The following UMODL1 variants were observed in gnomAD, a reference collection of about 807,000 sequenced individuals.
UMODL1 encodes uromodulin like 1, also known as uromodulin-like 1.
UMODL1 carries 128 observed loss-of-function variants against 136.3 expected under a neutral mutation model. The ratio of observed to expected loss-of-function variants is 0.94; its 90% CI spans 0.81 to 1.09. UMODL1 has a LOEUF of 1.09. UMODL1 is among the 50% of genes least tolerant of loss of function. The pLI, the probability that UMODL1 is intolerant of heterozygous loss-of-function variation, is 0.00. For missense variants in UMODL1, 1,766 were observed against 1,725.6 expected (o/e 1.02, Z -0.41); for synonymous variants, 721 against 720.0 (o/e 1.00, Z -0.02).
intron 2 of UMODL1, among the ~76,000 whole-genome samples, chr21:42,076,801 C>A (rs1286440902): frequency 6.6e-6 from 1 of 152,152 alleles, no homozygotes; most frequent in Non-Finnish European, 1.5e-5. Flanking sequence ...GAGCCCCGAG[C>A]CTACCACCCT....
intron 7 of UMODL1, chr21:42,101,795 G>A: frequency 2.2e-6 from 1 of 454,642 alleles, no homozygotes; most frequent in East Asian, 6.9e-5. Flanking sequence ...TGATGTTGGG[G>A]GCCTGAGTAA....
chr21:42,097,601 T>A (rs562068453), intron 6 of UMODL1, among the ~76,000 whole-genome samples: 1 of 152,312 alleles, frequency 6.6e-6, no homozygotes, highest in African/African-American at 2.4e-5. Context: ...AAAGCATATA[T>A]CCTACCAGTC....
In UMODL1 at chr21:42,119,389, C is replaced by CCACCCT. The variant is rs145499302; in HGVS notation, c.2689+66_2689+71dup. On this transcript the variant is annotated intron_variant, in intron 15 of 22. Coordinates refer to ENST00000408910, the MANE Select transcript of UMODL1 (RefSeq NM_001004416.3). ...ACCAGAGGCAGCCAGAGGGCAGCCA[C>CCACCCT]CACCCTTCGCTTTTGAAAGATGTCG... 8.7e-3 allele frequency: 12,819 copies of CCACCCT among 1,474,496 alleles called. 192 individuals are homozygous for CCACCCT. Among genetic ancestry groups the CCACCCT allele is most frequent in the South Asian group, 0.035 (3,057 of 86,942 alleles). The allele number at this position is 1,474,496 out of a possible 1,614,324, so 91.3% of individuals were successfully genotyped here. A position where few individuals can be genotyped will look rare whatever the true frequency, so the allele number is the denominator to read the frequency against.
chr21:42,063,182 T>C (rs1294449965), exon 1 of UMODL1: 2 of 152,308 alleles, frequency 1.3e-5, no homozygotes, highest in Non-Finnish European at 2.9e-5. Flanking sequence ...TGATCTCATC[T>C]AAATTACATC....
intron 7 of UMODL1, chr21:42,101,789 G>A: frequency 2.2e-6 from 1 of 456,072 alleles, no homozygotes; most frequent in Non-Finnish European, 4.4e-6. Flanking sequence ...TCACCCTGAT[G>A]TTGGGGGCCT....
At chr21:42,094,495 A>G (rs1277192732) in intron 6 of UMODL1, among the ~76,000 whole-genome samples, 1 of 152,174 alleles carries the variant, frequency 6.6e-6, no homozygotes, top group East Asian at 1.9e-4. Flanking sequence ...AGTTTAGATT[A>G]TCCGCATTGC....
chr21:42,084,150 C>T lies in UMODL1; in HGVS notation c.386C>T (p.Ser129Phe). ...GACPAEGPEPSTSPCSLDIDC... is the reference protein window; with the variant it reads ...GACPAEGPEPFTSPCSLDIDC... The stretch of plus-strand genomic sequence containing the variant: ...TGCCCCGCAGAGGGGCCTGAACCAT[C>T]CACCTCCCCCTGCAGCTTGGACATC... Residue 129 changes from serine to phenylalanine, a missense_variant, in exon 3 of 23, where the codon TCC (serine) becomes TTC (phenylalanine). Ser to Phe is a radical substitution (Grantham distance 155, BLOSUM62 -2). Transcript: ENST00000408910. 1 of 1,614,156 alleles carries T rather than the reference C, an allele frequency of 6.2e-7. No homozygotes were observed. The highest frequency in any genetic ancestry group is 8.5e-7 in the Non-Finnish European group (1 of 1,180,020).
At position 42,099,400 on chromosome 21, in the gene UMODL1, G is replaced by A. The variant is rs1055896406; in HGVS notation, c.1186+220G>A. ...TGGCTCCCTCGCTTCCCTACATGTC[G>A]TCCTGTTAGGGGTTCGTTCTGCCGT... is the stretch of plus-strand genomic sequence containing the variant. On this transcript the variant is annotated intron_variant, in intron 7 of 22. Coordinates refer to ENST00000408910, the MANE Select transcript of UMODL1 (RefSeq NM_001004416.3). This position sits in a 1 kb window ranked among gnomAD's most constrained non-coding sequence, Gnocchi z 4.1. 2.0e-5 allele frequency among the ~76,000 whole-genome samples: 3 copies of A among 152,060 alleles called. No individual in the cohort carries two copies. Among genetic ancestry groups the A allele is most frequent in the Admixed American group, 6.5e-5 (1 of 15,282 alleles).
At chr21:42,113,467 G>T in intron 12 of UMODL1, 106 bp from the exon 13 acceptor site, 1 of 1,408,358 alleles carries the variant, frequency 7.1e-7, no homozygotes, top group East Asian at 2.3e-5. Context: ...CCTGCAAATC[G>T]CTCATGTCCC....
Position 42,102,167 on chromosome 21 carries a change from T to A in UMODL1, c.1188T>A (p.Asn396Lys), listed in dbSNP as rs751070880. The A allele has an allele frequency of 1.2e-6, 2 of 1,610,844 alleles. No homozygotes were observed. The highest frequency in any genetic ancestry group is 1.7e-6 in the Non-Finnish European group (2 of 1,177,652). The change falls in exon 8 of 23, where the codon AAT becomes AAA. Residue 396 changes from asparagine to lysine, a missense_variant and splice_region_variant. Transcript: ENST00000408910. ...AATTTGTTTCACTGTCTGTCTCAGA[T>A]GCCCAGGTATTTGAAGTCACAATAA... The part of the protein sequence containing the change: ...DVSTTLTIKT[N>K]AQVFEVTIKI...
Position 42,129,792 on chromosome 21 carries a change from C to G in UMODL1, c.3770C>G (p.Ser1257Cys). The change falls in exon 21 of 23, where the codon TCT becomes TGT. Residue 1257 changes from serine (S) to cysteine (C), a missense_variant. Ser to Cys is a moderately radical substitution (Grantham distance 112). Coordinates refer to ENST00000408910, the MANE Select transcript of UMODL1 (RefSeq NM_001004416.3). ...HQMSWGPLIR[S>C]EGEPPHAEAG... ...ATGTCCTGGGGACCCCTCATCCGGT[C>G]TGAAGGTGAGTTGATGACTTGGTTT... The G allele has an allele frequency of 6.4e-7, 1 of 1,571,682 alleles. No individual in the cohort carries two copies. The highest frequency in any genetic ancestry group is 8.6e-7 in the Non-Finnish European group (1 of 1,163,838).
intron 8 of UMODL1, 72 bp from the exon 9 acceptor site, chr21:42,103,796 G>A (rs1389917770): frequency 1.1e-5 from 17 of 1,568,330 alleles, no homozygotes; most frequent in Non-Finnish European, 1.5e-5. Flanking sequence ...CCATCCATCG[G>A]TCACACCTGG....
At chr21:42,068,365 G>T (rs2066200329), upstream of UMODL1, among the ~76,000 whole-genome samples, 1 of 152,162 alleles carries the variant, frequency 6.6e-6, no homozygotes, top group Admixed American at 6.5e-5. This position sits in a 1 kb window ranked among gnomAD's most constrained non-coding sequence, Gnocchi z 5.5. Context: ...TCCCCATGCA[G>T]GTGGTCCCCA....
At chr21:42,116,867 G>A (rs2066908431) in intron 14 of UMODL1, among the ~76,000 whole-genome samples, 2 of 152,166 alleles carry the variant, frequency 1.3e-5, no homozygotes, top group Admixed American at 1.3e-4. Context: ...CCTGAGGTCA[G>A]GAGTTCTAGA....
intron 1 of UMODL1, among the ~76,000 whole-genome samples, chr21:42,075,572 G>C (rs1197051745): frequency 6.6e-6 from 1 of 152,216 alleles, no homozygotes; most frequent in Non-Finnish European, 1.5e-5. Flanking sequence ...GGCTCAGGGG[G>C]ACTAAGAGAT....
At chr21:42,127,976 C>A in intron 20 of UMODL1, 145 bp downstream of exon 20, 1 of 1,061,354 alleles carries the variant, frequency 9.4e-7, no homozygotes, top group Non-Finnish European at 1.4e-6. Context: ...CTGCAGACTC[C>A]GCGTCTGAAA....
At chr21:42,086,418 A>G in intron 4 of UMODL1, 1 of 409,372 alleles carries the variant, frequency 2.4e-6, no homozygotes, top group Admixed American at 2.6e-5. Context: ...CCCAGATCAG[A>G]TGGTGCACAC....
rs1230468649 is a variant in UMODL1, at chr21:42,102,266, A to G, written c.1287A>G (p.Gln429=). 2.5e-6 allele frequency: 4 copies of G among 1,611,322 alleles called. No individual in the cohort carries two copies. Among genetic ancestry groups the G allele is most frequent in the Non-Finnish European group, 3.4e-6 (4 of 1,178,020 alleles). The part of the protein sequence containing the change: ...SSVEYQDFSR[Q]LLHEVESSFP... ...TGGAGTACCAGGACTTTTCTAGACAACTGCTTCACGAGGTAAAGCCACAAT... is the reference window on the plus strand; with the variant it reads ...TGGAGTACCAGGACTTTTCTAGACAGCTGCTTCACGAGGTAAAGCCACAAT... The change falls in exon 8 of 23, where the codon CAA becomes CAG. Residue 429 remains glutamine (Q), a synonymous_variant. Coordinates refer to ENST00000408910, the MANE Select transcript of UMODL1 (RefSeq NM_001004416.3).
chr21:42,069,229 A>AACAGACACACACACAC (rs2066208191), upstream of UMODL1, among the ~76,000 whole-genome samples: 1 of 136,304 alleles, frequency 7.3e-6, no homozygotes, highest in African/African-American at 2.7e-5. Context: ...CACAGACAGA[A>AACAGACACACACACAC]ACACACACAC....
Sources: gnomAD v4.1 joint callset for allele counts (sites outside exome capture counted in the v4.1 genomes callset) on GRCh38, gnomAD v4.1.1 for gene constraint, Gnocchi (gnomAD v3.1) non-coding constraint, MANE v1.5 for transcripts, NCBI Gene and HGNC (gene_info 2026-07-23, HGNC 2026-07-21) for gene names.